Variants in ELAVL2 observed in about 807,000 individuals in gnomAD.
ELAVL2 encodes the protein ELAV-like protein 2.
ELAVL2 carries 4 observed loss-of-function variants against 34.6 expected under a neutral mutation model. The ratio of observed to expected loss-of-function variants is 0.12; its 90% CI spans 0.06 to 0.26. The LOEUF is 0.26. Ranked by LOEUF, ELAVL2 falls within the 10% of genes least tolerant of loss-of-function variation. The probability of loss-of-function intolerance (pLI) is 1.00; values close to 1 mark genes in which losing one functional copy is unlikely to be tolerated. For synonymous variants in ELAVL2, 193 were observed against 154.8 expected (o/e 1.25, Z -1.83); for missense variants, 432 against 442.8 (o/e 0.98, Z 0.22).
intron 1 of ELAVL2, among the ~76,000 whole-genome samples, chr9:23,796,004 A>C (rs549857546): frequency 3.3e-4 from 50 of 152,342 alleles, no homozygotes; most frequent in African/African-American, 1.2e-3. Context: ...AGATTTTGGA[A>C]TATTATGAAA....
chr9:23,717,118 T>C (rs1434487518), intron 3 of ELAVL2, among the ~76,000 whole-genome samples: 2 of 152,244 alleles, frequency 1.3e-5, no homozygotes, highest in Non-Finnish European at 1.5e-5. Flanking sequence ...TAAGTTTCCC[T>C]TTGTACTATA....
chr9:23,703,948 G>A (rs1429178151), intron 4 of ELAVL2, among the ~76,000 whole-genome samples: 4 of 151,898 alleles, frequency 2.6e-5, no homozygotes, highest in Admixed American at 2.6e-4. Context: ...TTTTTGAAAT[G>A]GAGTTTTGCT....
At chr9:23,739,733 T>A (rs1330039327) in intron 2 of ELAVL2, among the ~76,000 whole-genome samples, 7 of 152,050 alleles carry the variant, frequency 4.6e-5, no homozygotes, top group African/African-American at 1.4e-4. Context: ...TGCTGTTGCT[T>A]GTGCGACCAG....
At chr9:23,720,689 C>G (rs1281579083) in intron 3 of ELAVL2, among the ~76,000 whole-genome samples, 1 of 152,142 alleles carries the variant, frequency 6.6e-6, no homozygotes, top group Non-Finnish European at 1.5e-5. Context: ...CCCAGCCATT[C>G]AACATATCTT....
At chr9:23,773,817 T>C (rs1443680430) in intron 1 of ELAVL2, among the ~76,000 whole-genome samples, 1 of 152,162 alleles carries the variant, frequency 6.6e-6, no homozygotes, top group Non-Finnish European at 1.5e-5. Flanking sequence ...TGTCTGATAA[T>C]GTCAAAGCAC....
rs529909379 is a variant in ELAVL2, at chr9:23,817,963, A to G, written c.-16+7843T>C. ...TGTTTCCACTTGGCAAATTTACGTTATGTGAAATCCTTAAATAATTAACTA... is the reference window on the plus strand; with the variant it reads ...TGTTTCCACTTGGCAAATTTACGTTGTGTGAAATCCTTAAATAATTAACTA... On this transcript the variant is annotated intron_variant, in intron 1 of 6. Coordinates refer to ENST00000397312, the MANE Select transcript of ELAVL2 (RefSeq NM_004432.5). 2.6e-5 allele frequency among the ~76,000 whole-genome samples: 4 copies of G among 152,356 alleles called. No homozygotes were observed. In the South Asian group the frequency reaches 8.3e-4, roughly 32 times the overall value.
chr9:23,767,512 G>A (rs533551874), intron 1 of ELAVL2, among the ~76,000 whole-genome samples: 6 of 152,260 alleles, frequency 3.9e-5, no homozygotes, highest in Non-Finnish European at 7.4e-5. Context: ...CAGACTCGGC[G>A]GCTCACGTCT....
intron 1 of ELAVL2, chr9:23,779,267 C>T (rs938407345): frequency 4.1e-6 from 4 of 985,120 alleles, no homozygotes; most frequent in African/African-American, 3.5e-5. Flanking sequence ...TTTGGTTTAC[C>T]CCAGTAGAAT....
chr9:23,740,385 G>A (rs190200574), intron 2 of ELAVL2, among the ~76,000 whole-genome samples: 2 of 151,402 alleles, frequency 1.3e-5, no homozygotes, highest in Admixed American at 6.6e-5. Flanking sequence ...GGCACACACA[G>A]CTAGCTCAAA....
At chr9:23,832,026 T>A in the ELAVL2 span, among the ~76,000 whole-genome samples, 3 of 152,244 alleles carry the variant, frequency 2.0e-5, no homozygotes, top group East Asian at 3.9e-4. Context: ...TTTAAACCAA[T>A]CTGGTATAAA....
At chr9:23,790,742 T>G (rs531682494) in intron 1 of ELAVL2, among the ~76,000 whole-genome samples, 1 of 152,350 alleles carries the variant, frequency 6.6e-6, no homozygotes, top group Non-Finnish European at 1.5e-5. Context: ...TATATTACGG[T>G]TCCCCTGGTG....
At chr9:23,842,553 A>G in the ELAVL2 span, among the ~76,000 whole-genome samples, 1 of 152,096 alleles carries the variant, frequency 6.6e-6, no homozygotes, top group African/African-American at 2.4e-5. Flanking sequence ...GAATTTATCA[A>G]TATATATCTC....
At chr9:23,771,929 T>A (rs562012154) in intron 1 of ELAVL2, among the ~76,000 whole-genome samples, 5 of 152,274 alleles carry the variant, frequency 3.3e-5, no homozygotes, top group African/African-American at 1.2e-4. Flanking sequence ...GATGAATCAT[T>A]CCAACCCCAT....
chr9:23,826,381 A>G (rs1056584940), upstream of ELAVL2: 1 of 152,356 alleles, frequency 6.6e-6, no homozygotes, highest in Non-Finnish European at 1.5e-5. Context: ...GAATCGCGCC[A>G]CAACGTAACT....
At chr9:23,797,583 G>A (rs532692195) in intron 1 of ELAVL2, among the ~76,000 whole-genome samples, 1 of 152,310 alleles carries the variant, frequency 6.6e-6, no homozygotes, top group South Asian at 2.1e-4. Context: ...ATTTTTTAAA[G>A]GACACCAGGT....
At chr9:23,787,079 A>G (rs1200023973) in intron 1 of ELAVL2, among the ~76,000 whole-genome samples, 3 of 152,218 alleles carry the variant, frequency 2.0e-5, no homozygotes, top group African/African-American at 7.2e-5. Flanking sequence ...GGCAACAGAT[A>G]TATATACGGC....
Position 23,704,984 on chromosome 9 carries a change from A to G in ELAVL2, c.421T>C (p.Leu141=), listed in dbSNP as rs750389844. 4 of 1,613,890 alleles carry G rather than the reference A, an allele frequency of 2.5e-6. No individual in the cohort carries two copies. In the East Asian group the frequency reaches 6.7e-5, roughly 27 times the overall value. The change falls in exon 4 of 7, where the codon TTG becomes CTG. Residue 141 remains leucine (L), a synonymous_variant. Transcript: ENST00000397312. ...GLPKTMTQKE[L]EQLFSQYGRI... is the part of the protein sequence containing the mutation. ...CCATATTGTGAAAAAAGCTGTTCCA[A>G]CTCCTTCTGGGTCATTGTTTTTGGA...
intron 5 of ELAVL2, among the ~76,000 whole-genome samples, chr9:23,696,746 A>G (rs2035400531): frequency 6.6e-6 from 1 of 152,134 alleles, no homozygotes; most frequent in Non-Finnish European, 1.5e-5. Flanking sequence ...CTGGGATTAC[A>G]GGAGTGAGCC....
intron 4 of ELAVL2, among the ~76,000 whole-genome samples, chr9:23,703,365 C>T (rs2038136494): frequency 6.6e-6 from 1 of 152,114 alleles, no homozygotes; most frequent in Non-Finnish European, 1.5e-5. Context: ...CTATTTAACA[C>T]CATTATTAGT....
Sources: gnomAD v4.1 joint callset for allele counts (sites outside exome capture counted in the v4.1 genomes callset) on GRCh38, gnomAD v4.1.1 for gene constraint, MANE v1.5 for transcripts, NCBI Gene and HGNC (gene_info 2026-07-23, HGNC 2026-07-21) for gene names.